The following FRMPD4 variants were observed in gnomAD, a reference collection of about 807,000 sequenced individuals.
The protein encoded by FRMPD4 is FERM and PDZ domain-containing protein 4.
In FRMPD4, 22 loss-of-function variants were observed where a neutral mutation model predicts 94.1. The observed-to-expected ratio is 0.23, with a 90% confidence interval of 0.17 to 0.33. FRMPD4 has a LOEUF of 0.33. Ranked by LOEUF, FRMPD4 falls within the 10% of genes least tolerant of loss-of-function variation. The pLI is 1.00. For missense variants in FRMPD4, 1,111 were observed against 1,339.9 expected (o/e 0.83, Z 2.67); for synonymous variants, 631 against 548.6 (o/e 1.15, Z -2.10).
intron 1 of FRMPD4, among the ~76,000 whole-genome samples, chrX:11,834,931 G>C (rs1469588333): frequency 1.8e-5 from 2 of 111,694 alleles, no homozygotes; most frequent in East Asian, 5.6e-4. Context: ...TAGTCTGACA[G>C]CAATTTATAA....
intron 1 of FRMPD4, among the ~76,000 whole-genome samples, chrX:12,360,481 AG>A (rs962071482): frequency 6.3e-5 from 7 of 111,566 alleles, no homozygotes; most frequent in African/African-American, 2.3e-4. Context: ...CTAAACATGT[AG>A]GGGGAAAAAA....
chrX:12,569,319 A>G (rs1354795764), intron 2 of FRMPD4, among the ~76,000 whole-genome samples: 1 of 112,378 alleles, frequency 8.9e-6, no homozygotes, highest in Non-Finnish European at 1.9e-5. Context: ...AAATTTTGAT[A>G]AAATTTCAGT....
intron 1 of FRMPD4, among the ~76,000 whole-genome samples, chrX:12,163,535 G>A (rs2056062158): frequency 9.4e-6 from 1 of 106,718 alleles, no homozygotes; most frequent in African/African-American, 3.4e-5. Flanking sequence ...GGTTTTGATA[G>A]CAGTCTTCAT....
rs755540885 is a variant in FRMPD4 at position 12,214,834 on chromosome X, AT to A, written c.41+75823del. 4.9e-3 allele frequency among the ~76,000 whole-genome samples: 552 copies of A among 112,535 alleles called. 2 individuals carry two copies. Among genetic ancestry groups the A allele is most frequent in the African/African-American group, 0.017 (528 of 31,078 alleles). On this transcript the variant is annotated intron_variant, in intron 1 of 16. Transcript: ENST00000675598. ...TAATAGATCATGTTTTGATTAAAAA[AT>A]GGATAAATATATAAATGTGACATAT...
chrX:12,367,937 C>T (rs781360262), intron 1 of FRMPD4, among the ~76,000 whole-genome samples: 11 of 112,397 alleles, frequency 9.8e-5, no homozygotes, highest in Non-Finnish European at 1.9e-4. Flanking sequence ...TCATCACTGA[C>T]ACCCACTAAT....
At chrX:12,091,846 A>G (rs754667943) in intron 3 of FRMPD4, among the ~76,000 whole-genome samples, 10 of 111,291 alleles carry the variant, frequency 9.0e-5, no homozygotes, top group African/African-American at 9.8e-5. Flanking sequence ...GACCAGTTGA[A>G]TTAGATTCAT....
intron 1 of FRMPD4, among the ~76,000 whole-genome samples, chrX:12,159,576 T>A (rs2055989777): frequency 8.9e-6 from 1 of 112,415 alleles, no homozygotes; most frequent in Non-Finnish European, 1.9e-5. Context: ...TGTCTCCATG[T>A]TCTATATTCT....
chrX:12,578,368 G>GT (rs764123699), intron 2 of FRMPD4, among the ~76,000 whole-genome samples: 2 of 111,350 alleles, frequency 1.8e-5, no homozygotes, highest in African/African-American at 3.3e-5. Flanking sequence ...CTAGTTTTAT[G>GT]TTTTTTTTAT....
intron 3 of FRMPD4, among the ~76,000 whole-genome samples, chrX:12,039,507 G>A (rs951590115): frequency 2.7e-5 from 3 of 109,296 alleles, no homozygotes; most frequent in African/African-American, 1.0e-4. Context: ...TACCTATATG[G>A]CATTTAGAAA....
rs771597592 is a variant in FRMPD4 at position 12,718,331 on chromosome X, G to C, written c.3505G>C (p.Ala1169Pro). 32 of 1,211,363 alleles carry C rather than the reference G, an allele frequency of 2.6e-5. No individual in the cohort carries two copies. Among genetic ancestry groups the C allele is most frequent in the Non-Finnish European group, 3.4e-5 (30 of 895,005 alleles). ...CAAAGACTTAGATAACCCAGAGGACGCTGACTCGTCCACCTGCGACCATCC... is the reference window on the plus strand; with the variant it reads ...CAAAGACTTAGATAACCCAGAGGACCCTGACTCGTCCACCTGCGACCATCC... ...SAKDLDNPED[A>P]DSSTCDHPSK... Residue 1169 changes from alanine to proline, a missense_variant, in exon 16 of 17, where the codon GCT becomes CCT. By Grantham distance (27) the Ala-to-Pro change is conservative. Around this residue, in one of 8 missense-constraint regions of FRMPD4, gnomAD observed 551 missense variants for 591.6 expected, o/e 0.93. Coordinates refer to ENST00000675598, the MANE Select transcript of FRMPD4 (RefSeq NM_001368397.1).
At chrX:12,710,626 G>C (rs766263059) in intron 14 of FRMPD4, 89 bp downstream of exon 14, 1 of 874,479 alleles carries the variant, frequency 1.1e-6, no homozygotes, top group East Asian at 3.3e-5. Context: ...GAAAAGTTAA[G>C]GCCAGGCGCG....
chrX:12,327,489 C>T (rs5933987), intron 1 of FRMPD4, among the ~76,000 whole-genome samples: 19,680 of 110,997 alleles, frequency 0.18, 1,349 homozygotes, highest in African/African-American at 0.19. Flanking sequence ...TAATAATGGC[C>T]CTCAAAAATA....
At chrX:12,134,563 A>G (rs1208778298), upstream of FRMPD4, among the ~76,000 whole-genome samples, 1 of 112,240 alleles carries the variant, frequency 8.9e-6, no homozygotes. Flanking sequence ...CTCAGCTGCC[A>G]ACCTATATGG....
rs896140353 is a variant in FRMPD4, at chrX:12,299,696, G to T, written c.41+160684G>T. ...AATATTCAACAATCAAGTATCCATA[G>T]GTTATGAGAAATGCACAAATGAACC... On this transcript the variant is annotated intron_variant, in intron 1 of 16. Coordinates refer to ENST00000675598, the MANE Select transcript of FRMPD4 (RefSeq NM_001368397.1). Among the ~76,000 whole-genome samples the T allele has an allele frequency of 6.3e-5, 7 of 111,863 alleles. No homozygotes were observed. In the South Asian group the frequency reaches 2.2e-3, roughly 36 times the overall value.
intron 7 of FRMPD4, among the ~76,000 whole-genome samples, chrX:12,689,992 G>A (rs1439070110): frequency 1.8e-5 from 2 of 112,401 alleles, no homozygotes; most frequent in African/African-American, 3.2e-5. Flanking sequence ...TTGAATGATC[G>A]AGGAGGCCAG....
intron 1 of FRMPD4, among the ~76,000 whole-genome samples, chrX:12,463,434 C>T (rs1200405055): frequency 8.9e-6 from 1 of 111,931 alleles, no homozygotes; most frequent in East Asian, 2.8e-4. Context: ...TGTTCCTTTG[C>T]AATACTTCCT....
intron 3 of FRMPD4, among the ~76,000 whole-genome samples, chrX:11,881,311 G>A (rs1361406049): frequency 8.9e-6 from 1 of 112,040 alleles, no homozygotes; most frequent in Non-Finnish European, 1.9e-5. Flanking sequence ...ATTTACCCTA[G>A]AAGAATAAAA....
At chrX:12,109,232 A>C (rs1437256466) in intron 3 of FRMPD4, among the ~76,000 whole-genome samples, 9 of 112,121 alleles carry the variant, frequency 8.0e-5, no homozygotes, top group African/African-American at 1.3e-4. Flanking sequence ...CCTCTCAGAC[A>C]ACAGTGCAAT....
intron 4 of FRMPD4, among the ~76,000 whole-genome samples, chrX:12,669,592 A>G (rs1260499395): frequency 8.9e-6 from 1 of 112,161 alleles, no homozygotes; most frequent in Non-Finnish European, 1.9e-5. Context: ...TCCTCATACT[A>G]ATTTCCAGAG....
Sources: allele counts gnomAD v4.1 joint callset (sites outside exome capture counted in the v4.1 genomes callset), GRCh38; gene constraint gnomAD v4.1.1; regional missense constraint gnomAD v4.1.1; transcripts MANE v1.5; gene names NCBI Gene and HGNC (gene_info 2026-07-23, HGNC 2026-07-21).